Variants in AZIN1 observed in about 807,000 individuals in gnomAD.
The protein encoded by AZIN1 is antizyme inhibitor 1.
Under a neutral mutation model 47.4 loss-of-function variants are expected in AZIN1, and 12 were observed. That is an observed-to-expected ratio of 0.25 (90% CI 0.16 to 0.41). The LOEUF is 0.41. Among genes scored for constraint, AZIN1 ranks in the 10% least tolerant of loss-of-function variants. The pLI, the probability that AZIN1 is intolerant of heterozygous loss-of-function variation, is 1.00. For synonymous variants in AZIN1, 155 were observed against 176.3 expected (o/e 0.88, Z 0.96); for missense variants, 410 against 532.4 (o/e 0.77, Z 2.26).
At chr8:102,830,246 T>TGTG (rs997368002) in intron 9 of AZIN1, 1 of 205,144 alleles carries the variant, frequency 4.9e-6, no homozygotes, top group Non-Finnish European at 9.8e-6. Context: ...ATTAGCCAGG[T>TGTG]GTGGTGGTGC....
At chr8:102,857,458 A>T (rs955899402) in intron 2 of AZIN1, among the ~76,000 whole-genome samples, 1 of 152,160 alleles carries the variant, frequency 6.6e-6, no homozygotes, top group Non-Finnish European at 1.5e-5. Context: ...TACATTTTGC[A>T]CAGGGGCTCA....
Position 102,829,500 on chromosome 8 carries a change from T to G in AZIN1, c.1021-14A>C, listed in dbSNP as rs1230362440. ...TTCCTTGTATTTCTGTAGGAAAAGT[T>G]TTACAATTTAATTTTTACTCATACT... On this transcript the variant is annotated splice_polypyrimidine_tract_variant and intron_variant, in intron 10 of 11. Transcript: ENST00000337198. 1.3e-6 allele frequency: 2 copies of G among 1,588,004 alleles called. No individual in the cohort carries two copies. Among genetic ancestry groups the G allele is most frequent in the East Asian group, 4.5e-5 (2 of 44,744 alleles).
chr8:102,859,542 G>C (rs962674061), intron 1 of AZIN1, among the ~76,000 whole-genome samples: 1 of 151,326 alleles, frequency 6.6e-6, no homozygotes, highest in African/African-American at 2.4e-5. Flanking sequence ...GGGAATGAAG[G>C]CTCTAGAATT....
chr8:102,861,871 T>C (rs1018200492), intron 1 of AZIN1, among the ~76,000 whole-genome samples: 2 of 151,936 alleles, frequency 1.3e-5, no homozygotes, highest in Non-Finnish European at 2.9e-5. Flanking sequence ...AAACCCCTTT[T>C]CTACTAAAAA....
chr8:102,844,261 C>CT (rs1180360894), intron 2 of AZIN1, among the ~76,000 whole-genome samples: 2 of 151,912 alleles, frequency 1.3e-5, no homozygotes, highest in East Asian at 1.9e-4. Context: ...AATCCCAGCA[C>CT]TTTGAGAGGC....
intron 6 of AZIN1, among the ~76,000 whole-genome samples, chr8:102,835,868 G>C (rs534690252): frequency 6.6e-6 from 1 of 152,188 alleles, no homozygotes; most frequent in African/African-American, 2.4e-5. Flanking sequence ...CTAAAGCAAA[G>C]TCTAATTTAT....
chr8:102,843,225 A>G (rs892779259), intron 3 of AZIN1, among the ~76,000 whole-genome samples: 2 of 150,188 alleles, frequency 1.3e-5, no homozygotes, highest in African/African-American at 4.9e-5. Context: ...AAAAAAAAAG[A>G]AAATTGAGAA....
chr8:102,831,932 G>A (rs1811488800), intron 9 of AZIN1, among the ~76,000 whole-genome samples: 1 of 152,118 alleles, frequency 6.6e-6, no homozygotes, highest in Non-Finnish European at 1.5e-5. Context: ...TCCAGCCTGG[G>A]CGACAAAACA....
intron 9 of AZIN1, 31 bp downstream of exon 9, chr8:102,833,025 C>T: frequency 6.4e-7 from 1 of 1,558,414 alleles, no homozygotes; most frequent in Non-Finnish European, 8.8e-7. Flanking sequence ...TATCTACCAA[C>T]AAAAATAAAA....
chr8:102,845,903 C>A (rs1812539023), intron 2 of AZIN1, among the ~76,000 whole-genome samples: 1 of 152,020 alleles, frequency 6.6e-6, no homozygotes, highest in Non-Finnish European at 1.5e-5. Flanking sequence ...AAAACGAAAC[C>A]ATTTTTTTTC....
At chr8:102,829,080 T>C (rs1390257753) in intron 11 of AZIN1, among the ~76,000 whole-genome samples, 192 bp downstream of exon 11, 1 of 152,252 alleles carries the variant, frequency 6.6e-6, no homozygotes, top group Admixed American at 6.5e-5. Context: ...GATTATGTAG[T>C]AGGTTATGCC....
intron 1 of AZIN1, among the ~76,000 whole-genome samples, chr8:102,862,534 T>A (rs1354596470): frequency 6.6e-6 from 1 of 152,182 alleles, no homozygotes; most frequent in Non-Finnish European, 1.5e-5. Context: ...CACGCTCTCG[T>A]ATATGTAAAA....
rs766817320 is a variant in AZIN1, at chr8:102,828,621, AAAG to A, written c.1290_1292del (p.Phe431del). The stretch of plus-strand genomic sequence containing the variant: ...GGCTCAGCTGAATGCAAGAAGGCAC[AAAG>A]AAGAAGTTCTTCATCATTGAGTCTG... On this transcript the variant is annotated inframe_deletion, in exon 12 of 12. Transcript: ENST00000337198. The A allele has an allele frequency of 9.9e-5, 159 of 1,612,058 alleles. No individual in the cohort carries two copies. The highest frequency in any genetic ancestry group is 3.3e-4 in the Middle Eastern group (2 of 6,048).
intron 3 of AZIN1, among the ~76,000 whole-genome samples, chr8:102,841,648 G>A (rs1010298706): frequency 4.7e-5 from 7 of 148,946 alleles, no homozygotes; most frequent in Non-Finnish European, 7.6e-5. Context: ...AGATGAACAC[G>A]TCTGCAGACT....
intron 5 of AZIN1, among the ~76,000 whole-genome samples, chr8:102,838,175 A>T (rs1000037179): frequency 6.6e-6 from 1 of 152,110 alleles, no homozygotes; most frequent in African/African-American, 2.4e-5. Context: ...TAAAAAGTAA[A>T]CTTTCTAATC....
In AZIN1 at chr8:102,828,399, A is replaced by C. The variant is rs1462605795; in HGVS notation, c.*168T>G. On this transcript the variant is annotated 3_prime_UTR_variant, in exon 12 of 12. Coordinates refer to ENST00000337198, the MANE Select transcript of AZIN1 (RefSeq NM_148174.4). ...CTAAATCTCCCATTATCCCCAATGA[A>C]TTATAGATGAAAGCTGATTTTGTCT... 2.1e-6 allele frequency: 1 copy of C among 485,640 alleles called. No individual in the cohort carries two copies. Among genetic ancestry groups the C allele is most frequent in the African/African-American group, 2.0e-5 (1 of 50,806 alleles). 30.1% of individuals were successfully genotyped at this position (485,640 alleles called of 1,614,324 possible).
At chr8:102,858,602 T>C (rs1164121093) in intron 1 of AZIN1, among the ~76,000 whole-genome samples, 2 of 152,186 alleles carry the variant, frequency 1.3e-5, no homozygotes, top group African/African-American at 4.8e-5. Context: ...AACACTCTTT[T>C]ACTCCTCAAA....
At chr8:102,854,853 C>CT (rs1176338907) in intron 2 of AZIN1, among the ~76,000 whole-genome samples, 1 of 151,546 alleles carries the variant, frequency 6.6e-6, no homozygotes, top group African/African-American at 2.4e-5. Context: ...AACTGAATCC[C>CT]TTTTCCATAC....
chr8:102,850,396 CT>C (rs1379066930), intron 2 of AZIN1, among the ~76,000 whole-genome samples: 5 of 152,254 alleles, frequency 3.3e-5, no homozygotes, highest in African/African-American at 1.2e-4. Flanking sequence ...TACAACGTTG[CT>C]TAAGTCCCCT....
Sources: allele counts gnomAD v4.1 joint callset (sites outside exome capture counted in the v4.1 genomes callset), GRCh38; gene constraint gnomAD v4.1.1; transcripts MANE v1.5; gene names NCBI Gene and HGNC (gene_info 2026-07-23, HGNC 2026-07-21).